The following BCAS3 variants were observed in gnomAD, a reference collection of about 807,000 sequenced individuals.
BCAS3 encodes BCAS4/BCAS3 fusion.
A neutral mutation model predicts 116.1 loss-of-function variants in BCAS3; 53 were observed. The ratio of observed to expected loss-of-function variants is 0.46; its 90% CI spans 0.37 to 0.57. The LOEUF is 0.57. Among genes scored for constraint, BCAS3 ranks in the 20% least tolerant of loss-of-function variants. BCAS3 has a pLI of 0.00. For missense variants in BCAS3, 917 were observed against 1,165.4 expected, an observed-to-expected ratio of 0.79 and a Z score of 3.10; for synonymous variants, 391 against 408.2, an observed-to-expected ratio of 0.96 and a Z score of 0.51.
intron 3 of BCAS3, among the ~76,000 whole-genome samples, chr17:60,687,647 A>G (rs576300729): frequency 6.6e-6 from 1 of 151,538 alleles, no homozygotes; most frequent in South Asian, 2.1e-4. Flanking sequence ...TTTTTTTTTT[A>G]AAGACATCAG....
At position 61,206,850 on chromosome 17, in the gene BCAS3, A is replaced by G. The variant is rs116435309; in HGVS notation, c.2425+122286A>G. ...AAAAATTGTGAAGGGGGAATCCCCTATGAATGTACCAGTTTTTACTTTGAT... is the reference window on the plus strand; with the variant it reads ...AAAAATTGTGAAGGGGGAATCCCCTGTGAATGTACCAGTTTTTACTTTGAT... On this transcript the variant is annotated intron_variant, in intron 22 of 23. Coordinates refer to ENST00000407086, the MANE Select transcript of BCAS3 (RefSeq NM_017679.5). 3.4e-3 allele frequency among the ~76,000 whole-genome samples: 503 copies of G among 148,706 alleles called. 3 individuals are homozygous for G. Among genetic ancestry groups the G allele is most frequent in the African/African-American group, 0.012 (480 of 40,700 alleles).
Position 61,108,404 on chromosome 17 carries a change from G to A in BCAS3, c.2425+23840G>A, listed in dbSNP as rs563016759. ...AATATCTGTCTTTTAATTAGTGTTTGTAGACCATTTACATTGAATATAATT... is the reference window on the plus strand; with the variant it reads ...AATATCTGTCTTTTAATTAGTGTTTATAGACCATTTACATTGAATATAATT... On this transcript the variant is annotated intron_variant, in intron 22 of 23. Coordinates refer to ENST00000407086, the MANE Select transcript of BCAS3 (RefSeq NM_017679.5). 4.1e-4 allele frequency among the ~76,000 whole-genome samples: 63 copies of A among 152,002 alleles called. 2 individuals carry two copies. The highest frequency in any genetic ancestry group is 1.0e-4 in the Non-Finnish European group (7 of 67,996).
intron 23 of BCAS3, among the ~76,000 whole-genome samples, chr17:61,375,817 C>A (rs542414740): frequency 8.8e-4 from 134 of 152,266 alleles, no homozygotes; most frequent in Middle Eastern, 3.4e-3. Context: ...AGGTGATCCA[C>A]CCACCTCGGC....
chr17:60,745,213 A>G (rs2041929376), intron 5 of BCAS3, among the ~76,000 whole-genome samples: 2 of 151,966 alleles, frequency 1.3e-5, no homozygotes, highest in Admixed American at 1.3e-4. Context: ...AGTATTTTTC[A>G]TTACTTGAAA....
intron 2 of BCAS3, among the ~76,000 whole-genome samples, chr17:60,680,751 G>A (rs1277760949): frequency 2.0e-5 from 3 of 151,938 alleles, no homozygotes; most frequent in African/African-American, 4.8e-5. Flanking sequence ...AGATTCAAGC[G>A]ATTCTCCTGC....
At position 61,021,026 on chromosome 17, in the gene BCAS3, C is replaced by T. The variant is rs1287228699; in HGVS notation, c.1637+5125C>T. Among the ~76,000 whole-genome samples, 4 of 151,922 alleles carry T rather than the reference C, an allele frequency of 2.6e-5. No individual in the cohort carries two copies. Among genetic ancestry groups the T allele is most frequent in the Non-Finnish European group, 4.4e-5 (3 of 67,970 alleles). On this transcript the variant is annotated intron_variant, in intron 16 of 23. Coordinates refer to ENST00000407086, the MANE Select transcript of BCAS3 (RefSeq NM_017679.5). The surrounding 1 kb of genome is among the most constrained non-coding windows in gnomAD (Gnocchi z 4.6). ...GGAAGTAGCTCCTCATTTCTTTCCC[C>T]CTCCCCATCTTTATATTTACTCATT...
At position 61,391,090 on chromosome 17, in the gene BCAS3, A is replaced by T. The variant is rs2060109633; in HGVS notation, c.2594-887A>T. The T allele has an allele frequency of 6.6e-6, 1 of 152,302 alleles. No homozygotes were observed. Among genetic ancestry groups the T allele is most frequent in the Admixed American group, 6.5e-5 (1 of 15,290 alleles). 9.4% of individuals were successfully genotyped at this position (152,302 alleles called of 1,614,324 possible). A position where few individuals can be genotyped will look rare whatever the true frequency, so the allele number is the denominator to read the frequency against. On this transcript the variant is annotated intron_variant, in intron 23 of 23. Coordinates refer to ENST00000407086, the MANE Select transcript of BCAS3 (RefSeq NM_017679.5). This position sits in a 1 kb window ranked among gnomAD's most constrained non-coding sequence, Gnocchi z 7.7. ...TCAGCAAGCAGGGAATTCCATTCCC[A>T]ACCCACCTACCCCAGGACCTGACTT...
intron 22 of BCAS3, among the ~76,000 whole-genome samples, chr17:61,238,898 C>T (rs1197889915): frequency 6.6e-6 from 1 of 152,110 alleles, no homozygotes; most frequent in East Asian, 1.9e-4. Flanking sequence ...TCTCAGGGCC[C>T]TGAGGCTAAC....
rs1259337240 is a variant in BCAS3 at position 61,229,860 on chromosome 17, T to C, written c.2426-138467T>C. 6.6e-6 allele frequency among the ~76,000 whole-genome samples: 1 copy of C among 152,220 alleles called. No individual in the cohort carries two copies. Among genetic ancestry groups the C allele is most frequent in the Non-Finnish European group, 1.5e-5 (1 of 68,036 alleles). On this transcript the variant is annotated intron_variant, in intron 22 of 23. Coordinates refer to ENST00000407086, the MANE Select transcript of BCAS3 (RefSeq NM_017679.5). The surrounding 1 kb of genome is among the most constrained non-coding windows in gnomAD (Gnocchi z 4.4). The stretch of plus-strand genomic sequence containing the variant: ...ATAGTGTTGGCTGGGCGCGATGGCT[T>C]ACGCCTGTAATCCCAGCACTTTGGG...
At chr17:60,791,906 C>T (rs2046799295) in intron 6 of BCAS3, among the ~76,000 whole-genome samples, 1 of 151,884 alleles carries the variant, frequency 6.6e-6, no homozygotes, top group African/African-American at 2.4e-5. Context: ...GGGCAGATCA[C>T]GAGGTTAGGA....
In BCAS3 at chr17:60,960,283, C is replaced by G. The variant is rs1567969993; in HGVS notation, c.1221+12931C>G. On this transcript the variant is annotated intron_variant, in intron 14 of 23. Transcript: ENST00000407086. The surrounding 1 kb of genome is among the most constrained non-coding windows in gnomAD (Gnocchi z 4.1). ...AAATTTTTTTTAAAAATATTATCGG[C>G]TCAAAGGTCCAATCTTATCATCTCA... 6.6e-6 allele frequency among the ~76,000 whole-genome samples: 1 copy of G among 152,104 alleles called. No individual in the cohort carries two copies. The highest frequency in any genetic ancestry group is 2.4e-5 in the African/African-American group (1 of 41,424).
At chr17:61,024,666 A>G (rs1052157663) in intron 16 of BCAS3, among the ~76,000 whole-genome samples, 6 of 151,354 alleles carry the variant, frequency 4.0e-5, no homozygotes, top group African/African-American at 9.7e-5. Context: ...TTAAGTTTCT[A>G]TATTTTTCTT....
intron 13 of BCAS3, among the ~76,000 whole-genome samples, chr17:60,943,949 G>T (rs1350061481): frequency 6.6e-6 from 1 of 151,992 alleles, no homozygotes; most frequent in Non-Finnish European, 1.5e-5. Context: ...AAATGAAATT[G>T]CAGCATATCA....
At chr17:60,811,520 T>TAAA in intron 7 of BCAS3, 1 of 297,936 alleles carries the variant, frequency 3.4e-6, no homozygotes, top group Non-Finnish European at 6.4e-6. Context: ...AGTTCAGAGG[T>TAAA]AAAAAAAAAA....
chr17:61,368,398 A>G lies in BCAS3; in HGVS notation c.2497A>G (p.Met833Val), dbSNP rs766464477. The G allele has an allele frequency of 9.4e-5, 152 of 1,613,024 alleles. 6 individuals are homozygous for G. In the South Asian group the frequency reaches 1.6e-3, roughly 17 times the overall value. Residue 833 changes from methionine (M) to valine (V), a missense_variant, in exon 23 of 24, where the codon ATG becomes GTG. Physicochemically the swap from Met to Val is conservative, Grantham distance 21 (BLOSUM62 1). This residue lies in a region of BCAS3 where 109 missense variants were observed against 122.8 expected (regional missense o/e 0.89). Coordinates refer to ENST00000407086, the MANE Select transcript of BCAS3 (RefSeq NM_017679.5). The surrounding 1 kb of genome is among the most constrained non-coding windows in gnomAD (Gnocchi z 6.0). ...GCCTGAGGGCTTCGGGCTGCGGCAC[A>G]TGTCCTCCATGGAGCACACGGAGGA... ...SWPEGFGLRH[M>V]SSMEHTEEGL... is the part of the protein sequence containing the mutation.
In BCAS3 at chr17:61,368,432, G is replaced by A. The variant is rs372094686; in HGVS notation, c.2531G>A (p.Arg844Gln). ...ATGGAGCACACGGAGGAGGGCCTCC[G>A]GGAGCGACTTGCCGACGCCATGGCC... ...SSMEHTEEGL[R>Q]ERLADAMAES... Residue 844 changes from arginine to glutamine, a missense_variant, in exon 23 of 24, where the codon CGG becomes CAG. Transcript: ENST00000407086. The surrounding 1 kb of genome is among the most constrained non-coding windows in gnomAD (Gnocchi z 6.0). The A allele has an allele frequency of 2.0e-5, 33 of 1,612,360 alleles. No homozygotes were observed. In the African/African-American group the frequency reaches 2.4e-4, roughly 12 times the overall value.
At chr17:60,927,549 C>T (rs1567887622) in intron 13 of BCAS3, among the ~76,000 whole-genome samples, 2 of 152,206 alleles carry the variant, frequency 1.3e-5, no homozygotes, top group Non-Finnish European at 2.9e-5. Context: ...GCCACCACCC[C>T]TGGTCCTTTC....
At chr17:60,756,330 G>A (rs1310331766) in intron 6 of BCAS3, among the ~76,000 whole-genome samples, 1 of 152,186 alleles carries the variant, frequency 6.6e-6, no homozygotes, top group Non-Finnish European at 1.5e-5. Flanking sequence ...CACAGGCCAT[G>A]AACTGGTACC....
intron 22 of BCAS3, among the ~76,000 whole-genome samples, chr17:61,172,851 G>A (rs1375201656): frequency 1.3e-4 from 19 of 150,280 alleles, no homozygotes; most frequent in Non-Finnish European, 2.5e-4. Context: ...AGCCGGGCGT[G>A]GCGGTGGGCA....
Sources: gnomAD v4.1 joint callset for allele counts (sites outside exome capture counted in the v4.1 genomes callset) on GRCh38, gnomAD v4.1.1 for gene constraint, gnomAD v4.1.1 regional missense constraint, Gnocchi (gnomAD v3.1) non-coding constraint, MANE v1.5 for transcripts, NCBI Gene and HGNC (gene_info 2026-07-23, HGNC 2026-07-21) for gene names.